The following TCF7L2 variants were observed in gnomAD, a reference collection of about 807,000 sequenced individuals.
The protein encoded by TCF7L2 is transcription factor 7-like 2.
TCF7L2 carries 23 observed loss-of-function variants against 77.9 expected under a neutral mutation model. The observed-to-expected ratio is 0.30, with a 90% CI of 0.21 to 0.42. The LOEUF (loss-of-function observed/expected upper bound fraction) is 0.42, where lower values mean the gene tolerates loss of function less well. TCF7L2 is among the 10% of genes least tolerant of loss of function. TCF7L2 has a pLI of 1.00. For missense variants in TCF7L2, 654 were observed against 793.1 expected (o/e 0.82, Z 2.11); for synonymous variants, 413 against 340.2 (o/e 1.21, Z -2.36).
At chr10:113,060,519 A>G (rs2056262019) in intron 5 of TCF7L2, among the ~76,000 whole-genome samples, 1 of 152,080 alleles carries the variant, frequency 6.6e-6, no homozygotes, top group Non-Finnish European at 1.5e-5. Flanking sequence ...TTCCCTGATA[A>G]GTAGCTTTCT....
intron 5 of TCF7L2, among the ~76,000 whole-genome samples, chr10:113,068,720 T>G (rs1409802628): frequency 6.6e-6 from 1 of 152,058 alleles, no homozygotes; most frequent in Non-Finnish European, 1.5e-5. Flanking sequence ...TGCTTGGCTG[T>G]TCCCTTGGGC....
At chr10:112,978,633 ATTTTTTTT>A (rs988727404) in intron 4 of TCF7L2, among the ~76,000 whole-genome samples, 12 of 126,872 alleles carry the variant, frequency 9.5e-5, no homozygotes, top group Non-Finnish European at 1.3e-4. Flanking sequence ...CGCCTGGCTA[ATTTTTTTT>A]TTTTTTTTTT....
chr10:112,975,276 T>G (rs939733914), intron 4 of TCF7L2, among the ~76,000 whole-genome samples: 11 of 152,180 alleles, frequency 7.2e-5, no homozygotes, highest in Non-Finnish European at 1.5e-5. Flanking sequence ...AGGAAAATAC[T>G]TGGTTATACC....
intron 3 of TCF7L2, among the ~76,000 whole-genome samples, chr10:112,952,415 G>T (rs1186263127): frequency 6.6e-6 from 1 of 152,100 alleles, no homozygotes; most frequent in Non-Finnish European, 1.5e-5. Context: ...CGCACTGGCT[G>T]CGGGCTCTCC....
chr10:113,137,989 C>A (rs1176747333), intron 5 of TCF7L2, among the ~76,000 whole-genome samples: 2 of 152,124 alleles, frequency 1.3e-5, no homozygotes, highest in Non-Finnish European at 2.9e-5. Context: ...GAAGAAAATC[C>A]CTCCATCATA....
chr10:112,956,708 G>A (rs2033701832), intron 3 of TCF7L2, among the ~76,000 whole-genome samples: 2 of 152,208 alleles, frequency 1.3e-5, no homozygotes, highest in South Asian at 4.2e-4. Context: ...TGAAAGAAAT[G>A]TGCCCCAGTC....
At position 113,166,973 on chromosome 10, in the gene TCF7L2, C is replaced by A. The variant is rs1443467789; in HGVS notation, c.*1001C>A. 1 of 231,148 alleles carries A rather than the reference C, an allele frequency of 4.3e-6. No homozygotes were observed. Among genetic ancestry groups the A allele is most frequent in the African/African-American group, 2.2e-5 (1 of 45,242 alleles). 14.3% of individuals were successfully genotyped at this position (231,148 alleles called of 1,614,324 possible). A position where few individuals can be genotyped will look rare whatever the true frequency, so the allele number is the denominator to read the frequency against. ...GGGAATTTTAGCGACACTGTCTGAG[C>A]AGCAGTGGGAACCATCTTCGTTTCC... On this transcript the variant is annotated 3_prime_UTR_variant, in exon 14 of 14. Transcript: ENST00000627217.
At chr10:113,073,332 T>C (rs921031644) in intron 5 of TCF7L2, among the ~76,000 whole-genome samples, 3 of 151,390 alleles carry the variant, frequency 2.0e-5, no homozygotes, top group Non-Finnish European at 4.4e-5. Context: ...AATTATCATC[T>C]TGGTGATGGT....
At chr10:113,098,409 A>T (rs1436653852) in intron 5 of TCF7L2, among the ~76,000 whole-genome samples, 1 of 152,076 alleles carries the variant, frequency 6.6e-6, no homozygotes, top group African/African-American at 2.4e-5. Flanking sequence ...ATTTTTATTT[A>T]AAAAATTGTA....
intron 8 of TCF7L2, among the ~76,000 whole-genome samples, chr10:113,149,598 C>G (rs113991201): frequency 1.3e-5 from 2 of 152,332 alleles, no homozygotes; most frequent in African/African-American, 4.8e-5. Flanking sequence ...TGGAAACTAT[C>G]TCTAGCCCGC....
chr10:113,093,523 T>G (rs559490726), intron 5 of TCF7L2, among the ~76,000 whole-genome samples: 5 of 152,366 alleles, frequency 3.3e-5, no homozygotes, highest in Admixed American at 1.3e-4. Context: ...ACAATTGTAC[T>G]TTCTGTTCCA....
At chr10:112,985,403 C>T (rs368518292) in intron 4 of TCF7L2, among the ~76,000 whole-genome samples, 48 of 151,964 alleles carry the variant, frequency 3.2e-4, no homozygotes, top group Middle Eastern at 3.4e-3. Context: ...CATTTTCACT[C>T]TTATTTTAGT....
At chr10:113,107,597 G>C (rs983516007) in intron 5 of TCF7L2, among the ~76,000 whole-genome samples, 8 of 151,552 alleles carry the variant, frequency 5.3e-5, no homozygotes, top group Non-Finnish European at 8.8e-5. Context: ...CAAAAAATTA[G>C]CCGGGCGTGG....
intron 4 of TCF7L2, among the ~76,000 whole-genome samples, chr10:113,039,202 A>G (rs1241454787): frequency 6.6e-6 from 1 of 152,236 alleles, no homozygotes; most frequent in African/African-American, 2.4e-5. Flanking sequence ...CCTTGTCTGC[A>G]AAATGAGGAA....
intron 4 of TCF7L2, among the ~76,000 whole-genome samples, chr10:113,032,469 G>T (rs1386940851): frequency 1.3e-5 from 2 of 152,198 alleles, no homozygotes; most frequent in Non-Finnish European, 2.9e-5. Context: ...ACAATTCAGT[G>T]TTTGTCCATA....
intron 4 of TCF7L2, chr10:112,987,415 GTTT>G (rs36015766): frequency 0.035 from 4,906 of 141,268 alleles, 241 homozygotes; most frequent in African/African-American, 0.12. Context: ...GGAAGCAGAA[GTTT>G]TTTTTTTTTT....
At chr10:113,103,177 G>A (rs7909517) in intron 5 of TCF7L2, among the ~76,000 whole-genome samples, 5 of 152,072 alleles carry the variant, frequency 3.3e-5, no homozygotes, top group South Asian at 2.1e-4. Context: ...TTGTCCAAAC[G>A]AGGCTGCCCA....
At chr10:112,967,153 A>G (rs1292950534) in intron 4 of TCF7L2, among the ~76,000 whole-genome samples, 1 of 152,228 alleles carries the variant, frequency 6.6e-6, no homozygotes, top group African/African-American at 2.4e-5. Context: ...TTCGCTCTGG[A>G]TGTGGCATAG....
intron 4 of TCF7L2, among the ~76,000 whole-genome samples, chr10:112,969,139 T>C (rs1006726130): frequency 6.6e-6 from 1 of 152,186 alleles, no homozygotes; most frequent in African/African-American, 2.4e-5. Flanking sequence ...GTTATTTGGC[T>C]TCTTCCTCTC....
Sources: gnomAD v4.1 joint callset for allele counts (sites outside exome capture counted in the v4.1 genomes callset) on GRCh38, gnomAD v4.1.1 for gene constraint, MANE v1.5 for transcripts, NCBI Gene and HGNC (gene_info 2026-07-23, HGNC 2026-07-21) for gene names.